The following SFI1 variants were observed in gnomAD, a reference collection of about 807,000 sequenced individuals.
SFI1 encodes protein SFI1 homolog.
SFI1 carries 195 observed loss-of-function variants against 207.5 expected under a neutral mutation model. That is an observed-to-expected ratio of 0.94 (90% CI 0.84 to 1.06). The LOEUF (loss-of-function observed/expected upper bound fraction) is 1.06. Ranked by LOEUF, SFI1 falls within the 50% of genes least tolerant of loss-of-function variation. The probability of loss-of-function intolerance (pLI) is 0.00; values close to 1 mark genes in which losing one functional copy is unlikely to be tolerated. For missense variants in SFI1, 1,634 were observed against 1,588.0 expected, an observed-to-expected ratio of 1.03 and a Z score of -0.49; for synonymous variants, 630 against 598.9, an observed-to-expected ratio of 1.05 and a Z score of -0.76.
chr22:31,526,014 G>A (rs1602143984), intron 2 of SFI1, among the ~76,000 whole-genome samples: 1 of 152,014 alleles, frequency 6.6e-6, no homozygotes, highest in East Asian at 1.9e-4. Flanking sequence ...TATTTTTATA[G>A]GGCCTGTGTG....
intron 15 of SFI1, among the ~76,000 whole-genome samples, chr22:31,594,964 C>A (rs1409703980): frequency 6.6e-6 from 1 of 151,240 alleles, no homozygotes; most frequent in African/African-American, 2.4e-5. Flanking sequence ...TATGGTGGGA[C>A]ATAATGAAGA....
chr22:31,528,934 A>G, intron 3 of SFI1, 71 bp downstream of exon 3: 2 of 1,449,962 alleles, frequency 1.4e-6, no homozygotes, highest in Non-Finnish European at 1.9e-6. Context: ...AAAATGGGGG[A>G]ATGATTCTTA....
chr22:31,563,613 TCTCA>T (rs2061957441), intron 8 of SFI1, among the ~76,000 whole-genome samples: 1 of 151,920 alleles, frequency 6.6e-6, no homozygotes, highest in Non-Finnish European at 1.5e-5. Context: ...TTTGAGACAG[TCTCA>T]CTCTTTTGCC....
At chr22:31,540,154 C>G (rs962230655) in intron 4 of SFI1, among the ~76,000 whole-genome samples, 1 of 97,124 alleles carries the variant, frequency 1.0e-5, no homozygotes, top group Non-Finnish European at 1.8e-5. Flanking sequence ...TTTCCCCAGA[C>G]AAAAGAGATA....
intron 1 of SFI1, among the ~76,000 whole-genome samples, chr22:31,502,461 C>T (rs2053950023): frequency 6.6e-6 from 1 of 151,834 alleles, no homozygotes; most frequent in Admixed American, 6.6e-5. Flanking sequence ...GCAGCCTCCA[C>T]CTCCTGGGTT....
chr22:31,545,300 G>C lies in SFI1; in HGVS notation c.339-1561G>C, dbSNP rs551913261. ...AAATCGCTTGAAGCCGGGAGGCAGA[G>C]GTTGCGATGAACCGAGATCACACCA... On this transcript the variant is annotated intron_variant, in intron 4 of 32. Transcript: ENST00000400288. Among the ~76,000 whole-genome samples, 26 of 151,002 alleles carry C rather than the reference G, an allele frequency of 1.7e-4. No individual in the cohort carries two copies. The South Asian group carries it at 5.5e-3, about 32-fold the overall frequency.
At chr22:31,571,454 A>G (rs1052251703) in intron 8 of SFI1, among the ~76,000 whole-genome samples, 8 of 150,936 alleles carry the variant, frequency 5.3e-5, no homozygotes, top group East Asian at 1.9e-4. Flanking sequence ...CTGGGACTAC[A>G]GGTACACACC....
intron 1 of SFI1, among the ~76,000 whole-genome samples, chr22:31,500,036 T>TA (rs1276339176): frequency 7.0e-6 from 1 of 143,754 alleles, no homozygotes; most frequent in African/African-American, 2.6e-5. Flanking sequence ...GGATGCAGTA[T>TA]AATCCTGCAT....
intron 5 of SFI1, 48 bp from the exon 6 acceptor site, chr22:31,550,206 C>G: frequency 6.6e-7 from 1 of 1,517,304 alleles, no homozygotes; most frequent in Middle Eastern, 1.7e-4. Flanking sequence ...CCACCGCGCC[C>G]GGCCTGTTAT....
chr22:31,576,795 A>G (rs1309677596), intron 10 of SFI1, among the ~76,000 whole-genome samples: 1 of 151,396 alleles, frequency 6.6e-6, no homozygotes, highest in African/African-American at 2.4e-5. Flanking sequence ...ATGCACCACC[A>G]TGTCCGGCTA....
At chr22:31,597,998 G>A (rs1194595373) in intron 15 of SFI1, among the ~76,000 whole-genome samples, 5 of 148,518 alleles carry the variant, frequency 3.4e-5, no homozygotes, top group African/African-American at 1.2e-4. Flanking sequence ...TTTTTTTTGA[G>A]ACGGAGTCTC....
intron 6 of SFI1, among the ~76,000 whole-genome samples, chr22:31,550,895 A>G (rs1042300296): frequency 1.3e-5 from 2 of 152,208 alleles, no homozygotes; most frequent in Non-Finnish European, 2.9e-5. Flanking sequence ...TCCTAAAGGT[A>G]GCTCAAACTC....
chr22:31,541,518 A>G (rs1338326372), intron 4 of SFI1, among the ~76,000 whole-genome samples: 1 of 152,060 alleles, frequency 6.6e-6, no homozygotes, highest in African/African-American at 2.4e-5. Flanking sequence ...GCACTTTGGG[A>G]GGCCGTGGAA....
Position 31,580,357 on chromosome 22 carries a change from G to T in SFI1, c.1241G>T (p.Gly414Val), listed in dbSNP as rs1000309784. ...AGGAATCTTGCTCACCAGCAGCATGGTGTCACGGTGAGGGTTGTCTTCTGT... is the reference window on the plus strand; with the variant it reads ...AGGAATCTTGCTCACCAGCAGCATGTTGTCACGGTGAGGGTTGTCTTCTGT... ...IRRNLAHQQH[G>V]VTLLHRFWNL... is the part of the protein sequence containing the mutation. The change falls in exon 12 of 33, where the codon GGT becomes GTT. Residue 414 changes from glycine (G) to valine (V), a missense_variant. Physicochemically the swap from Gly to Val is moderately radical, Grantham distance 109 (BLOSUM62 -3). Coordinates refer to ENST00000400288, the MANE Select transcript of SFI1 (RefSeq NM_001007467.3). 6.2e-7 allele frequency: 1 copy of T among 1,613,496 alleles called. No homozygotes were observed. The highest frequency in any genetic ancestry group is 8.5e-7 in the Non-Finnish European group (1 of 1,179,518).
intron 1 of SFI1, chr22:31,497,235 T>G (rs530144892): frequency 1.3e-5 from 2 of 152,346 alleles, no homozygotes; most frequent in Admixed American, 1.3e-4. Context: ...CCTCGCTTTA[T>G]TGCACTTCAC....
chr22:31,592,789 C>T (rs1475412717), intron 15 of SFI1, among the ~76,000 whole-genome samples: 4 of 129,324 alleles, frequency 3.1e-5, no homozygotes, highest in African/African-American at 9.6e-5. Flanking sequence ...CCAGACGGGG[C>T]GGCTGGCCGG....
Position 31,602,621 on chromosome 22 carries a change from A to C in SFI1, c.1641A>C (p.Ala547=). Residue 547 remains alanine (A), a synonymous_variant, in exon 17 of 33, where the codon GCA becomes GCC. Coordinates refer to ENST00000400288, the MANE Select transcript of SFI1 (RefSeq NM_001007467.3). ...TCCTGCCTCAGGCCATCCTTCACGCAGAGCGACAGCTTCTGTATAGGTCTT... is the reference window on the plus strand; with the variant it reads ...TCCTGCCTCAGGCCATCCTTCACGCCGAGCGACAGCTTCTGTATAGGTCTT... The part of the protein sequence containing the change: ...RLAERMAILH[A]ERQLLYRSWF... 1 of 1,614,098 alleles carries C rather than the reference A, an allele frequency of 6.2e-7. No homozygotes were observed. The highest frequency in any genetic ancestry group is 8.5e-7 in the Non-Finnish European group (1 of 1,180,024).
intron 2 of SFI1, among the ~76,000 whole-genome samples, chr22:31,518,986 C>T (rs1161717675): frequency 2.6e-5 from 4 of 152,158 alleles, no homozygotes; most frequent in Non-Finnish European, 4.4e-5. Context: ...GAAGCTTGCG[C>T]TTGATTTCTT....
chr22:31,529,219 G>C (rs946629004), intron 3 of SFI1, among the ~76,000 whole-genome samples: 2 of 152,076 alleles, frequency 1.3e-5, no homozygotes, highest in African/African-American at 4.8e-5. Flanking sequence ...TGCTACTCTC[G>C]ATTAGATATA....
Sources: gnomAD v4.1 joint callset for allele counts (sites outside exome capture counted in the v4.1 genomes callset) on GRCh38, gnomAD v4.1.1 for gene constraint, MANE v1.5 for transcripts, NCBI Gene and HGNC (gene_info 2026-07-23, HGNC 2026-07-21) for gene names.